Variants in PCDH1 observed in about 807,000 individuals in gnomAD.
The protein encoded by PCDH1 is protocadherin 1, also known as protocadherin-1.
A neutral mutation model predicts 74.6 loss-of-function variants in PCDH1; 23 were observed. The ratio of observed to expected loss-of-function variants is 0.31; its 90% CI spans 0.22 to 0.44. The LOEUF (loss-of-function observed/expected upper bound fraction) is 0.44. Ranked by LOEUF, PCDH1 falls within the 20% of genes least tolerant of loss-of-function variation. The pLI is 1.00. For synonymous variants in PCDH1, 647 were observed against 686.1 expected, an observed-to-expected ratio of 0.94 and a Z score of 0.89; for missense variants, 1,214 against 1,641.4, an observed-to-expected ratio of 0.74 and a Z score of 4.50.
rs537315977 is a variant in PCDH1 at position 141,865,644 on chromosome 5, T to A, written c.904-217A>T. 6.6e-6 allele frequency among the ~76,000 whole-genome samples: 1 copy of A among 152,350 alleles called. No individual in the cohort carries two copies. The highest frequency in any genetic ancestry group is 2.1e-4 in the South Asian group (1 of 4,832). On this transcript the variant is annotated intron_variant, in intron 2 of 4. Coordinates refer to ENST00000287008, the MANE Select transcript of PCDH1 (RefSeq NM_032420.5). The surrounding 1 kb of genome is among the most constrained non-coding windows in gnomAD (Gnocchi z 4.4). Reference sequence around the variant, plus strand: ...AACCTATTTTCCTGAAGAGCCCAGATGCAGCCTGCAAATCCTCAACAGTGC... The same window carrying A: ...AACCTATTTTCCTGAAGAGCCCAGAAGCAGCCTGCAAATCCTCAACAGTGC...
In PCDH1 at chr5:141,853,160, G is replaced by GTA. The variant is rs1225399487; in HGVS notation, c.*881_*882insTA. On this transcript the variant is annotated 3_prime_UTR_variant, in exon 5 of 5. Coordinates refer to ENST00000287008, the MANE Select transcript of PCDH1 (RefSeq NM_032420.5). ...AGCCCAGCTCTGCTGATAGGCAAAT[G>GTA]TTACCCCCGTCCCCACCCCCACCCA... is the stretch of plus-strand genomic sequence containing the variant. 6.6e-6 allele frequency: 1 copy of GTA among 152,178 alleles called. No homozygotes were observed. Among genetic ancestry groups the GTA allele is most frequent in the Non-Finnish European group, 1.5e-5 (1 of 68,068 alleles). 9.4% of individuals were successfully genotyped at this position (152,178 alleles called of 1,614,324 possible).
rs548141067 is a variant in PCDH1 at position 141,873,293 on chromosome 5, A to AT, written c.41-3863dup. ...GGCACGTGCCACCACGCCCGGCTAA[A>AT]TTTTTTTTTTTTTTTTTTTGTATTT... On this transcript the variant is annotated intron_variant, in intron 1 of 4. Coordinates refer to ENST00000287008, the MANE Select transcript of PCDH1 (RefSeq NM_032420.5). Among the ~76,000 whole-genome samples, 773 of 123,484 alleles carry AT rather than the reference A, an allele frequency of 6.3e-3. 2 individuals carry two copies. Among genetic ancestry groups the AT allele is most frequent in the East Asian group, 8.9e-3 (36 of 4,056 alleles). The allele number at this position is 123,484 out of a possible 152,430, so 81.0% of individuals were successfully genotyped here.
chr5:141,860,416 T>C (rs1189605197), intron 3 of PCDH1, among the ~76,000 whole-genome samples: 1 of 151,474 alleles, frequency 6.6e-6, no homozygotes, highest in African/African-American at 2.4e-5. Flanking sequence ...GGAGGATCGC[T>C]TGAGCCCAGG....
chr5:141,853,998 T>C lies in PCDH1; in HGVS notation c.*44A>G, dbSNP rs1001684588. ...GCCCTGGAATGGGCCATTTGGGAGC[T>C]GGCCGGCGGCTGGGGGAGGGGGGCC... is the stretch of plus-strand genomic sequence containing the variant. On this transcript the variant is annotated 3_prime_UTR_variant, in exon 5 of 5. Coordinates refer to ENST00000287008, the MANE Select transcript of PCDH1 (RefSeq NM_032420.5). The C allele has an allele frequency of 6.9e-6, 10 of 1,456,184 alleles. No individual in the cohort carries two copies. The highest frequency in any genetic ancestry group is 2.4e-5 in the East Asian group (1 of 41,860). The allele number at this position is 1,456,184 out of a possible 1,614,324, so 90.2% of individuals were successfully genotyped here. A position where few individuals can be genotyped will look rare whatever the true frequency, so the allele number is the denominator to read the frequency against.
At position 141,864,093 on chromosome 5, in the gene PCDH1, A is replaced by T; in HGVS notation, c.2238T>A (p.Ser746=). 1 of 1,611,368 alleles carries T rather than the reference A, an allele frequency of 6.2e-7. No individual in the cohort carries two copies. The highest frequency in any genetic ancestry group is 8.5e-7 in the Non-Finnish European group (1 of 1,177,710). ...VSQVAAEDFD[S]GVNAELIYSI... ...TGTAGATCAGCTCAGCATTGACACC[A>T]GAGTCAAAGTCCTCGGCTGCCACCT... The change falls in exon 3 of 5, where the codon TCT becomes TCA. Residue 746 remains serine (S), a synonymous_variant. Coordinates refer to ENST00000287008, the MANE Select transcript of PCDH1 (RefSeq NM_032420.5). This position sits in a 1 kb window ranked among gnomAD's most constrained non-coding sequence, Gnocchi z 5.9.
rs767960685 is a variant in PCDH1, at chr5:141,854,132, C to T, written c.3624G>A (p.Leu1208=). 2.5e-6 allele frequency: 4 copies of T among 1,594,436 alleles called. No individual in the cohort carries two copies. The highest frequency in any genetic ancestry group is 2.7e-5 in the African/African-American group (2 of 74,608). The change falls in exon 5 of 5, where the codon TTG becomes TTA. Residue 1208 remains leucine (L), a synonymous_variant. Transcript: ENST00000287008. ...AGGTCTGGGTCAGGGGGATTTCCTCCAAGGTGGCCGAGTCCTTGCAGGAAT... is the reference window on the plus strand; with the variant it reads ...AGGTCTGGGTCAGGGGGATTTCCTCTAAGGTGGCCGAGTCCTTGCAGGAAT... ...SHDSCKDSAT[L]EEIPLTQTSD...
chr5:141,867,507 T>C (rs1490810243), intron 2 of PCDH1: 2 of 436,406 alleles, frequency 4.6e-6, no homozygotes, highest in Non-Finnish European at 9.0e-6. Context: ...ATACACATCA[T>C]GTGTTTAGAA....
Position 141,868,643 on chromosome 5 carries a change from C to T in PCDH1, c.829G>A (p.Ala277Thr), listed in dbSNP as rs201502657. 1.4e-4 allele frequency: 220 copies of T among 1,603,922 alleles called. 1 individual carries two copies. Among genetic ancestry groups the T allele is most frequent in the South Asian group, 5.0e-4 (45 of 89,882 alleles). Residue 277 changes from alanine (A) to threonine (T), a missense_variant, in exon 2 of 5, where the codon GCC becomes ACC. Transcript: ENST00000287008. This position sits in a 1 kb window ranked among gnomAD's most constrained non-coding sequence, Gnocchi z 4.8. ...RVTVLDTNDNAPKFERPSYEA... is the reference protein window; with the variant it reads ...RVTVLDTNDNTPKFERPSYEA... ...TAGGAGGGCCGCTCAAACTTGGGGG[C>T]GTTGTCATTGGTGTCAAGCACGGTG... is the stretch of plus-strand genomic sequence containing the variant.
chr5:141,855,883 G>T (rs1481537890), intron 4 of PCDH1, among the ~76,000 whole-genome samples: 1 of 152,074 alleles, frequency 6.6e-6, no homozygotes, highest in Admixed American at 6.5e-5. Flanking sequence ...CATGGGAACG[G>T]CTGGGCCATG....
rs1442557043 is a variant in PCDH1, at chr5:141,853,273, C to CA, written c.*768dup. 1.6e-5 allele frequency: 2 copies of CA among 126,760 alleles called. No homozygotes were observed. Among genetic ancestry groups the CA allele is most frequent in the African/African-American group, 6.0e-5 (2 of 33,596 alleles). 7.9% of individuals were successfully genotyped at this position (126,760 alleles called of 1,614,324 possible). A position where few individuals can be genotyped will look rare whatever the true frequency, so the allele number is the denominator to read the frequency against. The stretch of plus-strand genomic sequence containing the variant: ...AACAATAGAGGCCTGGGTTGGGGGG[C>CA]ACTGCGGCAGGGAGGAGGGGGCACA... On this transcript the variant is annotated 3_prime_UTR_variant, in exon 5 of 5. Transcript: ENST00000287008.
Position 141,854,294 on chromosome 5 carries a change from G to A in PCDH1, c.3462C>T (p.Thr1154=). ...CTCCTCGGTCCTGGTAAGGCACGAA[G>A]GTGGAGAGTTTGAGGGCGCTGCTCT... ...RTKSSALKLS[T]FVPYQDRGGQ... is the part of the protein sequence containing the mutation. The change falls in exon 5 of 5, where the codon ACC becomes ACT. Residue 1154 remains threonine, a synonymous_variant. Transcript: ENST00000287008. 6.2e-7 allele frequency: 1 copy of A among 1,613,918 alleles called. No homozygotes were observed. Among genetic ancestry groups the A allele is most frequent in the Admixed American group, 1.7e-5 (1 of 60,000 alleles).
In PCDH1 at chr5:141,869,290, A is replaced by G. The variant is rs1753014341; in HGVS notation, c.182T>C (p.Val61Ala). 2 of 1,606,742 alleles carry G rather than the reference A, an allele frequency of 1.2e-6. No individual in the cohort carries two copies. Among genetic ancestry groups the G allele is most frequent in the African/African-American group, 1.3e-5 (1 of 74,888 alleles). The change falls in exon 2 of 5, where the codon GTG becomes GCG. Residue 61 changes from valine to alanine, a missense_variant. This residue lies in a region of PCDH1 where 87 missense variants were observed against 87.7 expected (regional missense o/e 0.99). Transcript: ENST00000287008. This position sits in a 1 kb window ranked among gnomAD's most constrained non-coding sequence, Gnocchi z 4.9. The part of the protein sequence containing the change: ...APSPGHATRV[V>A]YKVPEEQPPN... ...TGGCTGTTCCTCCGGCACCTTGTACACTACCCGAGTGGCGTGGCCTGGGGA... is the reference window on the plus strand; with the variant it reads ...TGGCTGTTCCTCCGGCACCTTGTACGCTACCCGAGTGGCGTGGCCTGGGGA...
In PCDH1 at chr5:141,868,836, C is replaced by T; in HGVS notation, c.636G>A (p.Glu212=). The part of the protein sequence containing the change: ...VASYELQAGP[E]AQELFGLQVA... ...CCTGCAGCCCAAATAGCTCCTGGGCCTCAGGCCCAGCCTGCAGCTCATAGG... is the reference window on the plus strand; with the variant it reads ...CCTGCAGCCCAAATAGCTCCTGGGCTTCAGGCCCAGCCTGCAGCTCATAGG... The change falls in exon 2 of 5, where the codon GAG becomes GAA. Residue 212 remains glutamate (E), a synonymous_variant. Coordinates refer to ENST00000287008, the MANE Select transcript of PCDH1 (RefSeq NM_032420.5). The surrounding 1 kb of genome is among the most constrained non-coding windows in gnomAD (Gnocchi z 4.8). 6.2e-7 allele frequency: 1 copy of T among 1,614,238 alleles called. No homozygotes were observed. The highest frequency in any genetic ancestry group is 8.5e-7 in the Non-Finnish European group (1 of 1,180,044).
intron 2 of PCDH1, chr5:141,867,467 T>C: frequency 2.5e-6 from 1 of 404,554 alleles, no homozygotes; most frequent in South Asian, 1.8e-5. Flanking sequence ...GGATAATACT[T>C]ACCTTGTACT....
chr5:141,859,749 T>C (rs1181986306), intron 3 of PCDH1, among the ~76,000 whole-genome samples: 1 of 152,266 alleles, frequency 6.6e-6, no homozygotes, highest in Admixed American at 6.5e-5. Context: ...GCCACCATCA[T>C]AGTCCAACTC....
chr5:141,856,289 G>T (rs868746195), intron 4 of PCDH1: 6 of 1,535,194 alleles, frequency 3.9e-6, no homozygotes, highest in South Asian at 2.4e-5. Context: ...AGGATGAGAC[G>T]GGCATGAGAT....
rs565768823 is a variant in PCDH1, at chr5:141,865,530, G to T, written c.904-103C>A. The T allele has an allele frequency of 1.3e-4, 161 of 1,282,720 alleles. No homozygotes were observed. Among genetic ancestry groups the T allele is most frequent in the Non-Finnish European group, 1.6e-4 (150 of 922,296 alleles). 79.5% of individuals were successfully genotyped at this position (1,282,720 alleles called of 1,614,324 possible). A position where few individuals can be genotyped will look rare whatever the true frequency, so the allele number is the denominator to read the frequency against. On this transcript the variant is annotated intron_variant, in intron 2 of 4. Coordinates refer to ENST00000287008, the MANE Select transcript of PCDH1 (RefSeq NM_032420.5). The surrounding 1 kb of genome is among the most constrained non-coding windows in gnomAD (Gnocchi z 4.4). ...GCCAATGTCCTTTCCAACAAGCATG[G>T]CAGACACAGCCAATCCAACATCGCT...
chr5:141,854,102 G>T lies in PCDH1; in HGVS notation c.3654C>A (p.Asp1218Glu). 6.4e-7 allele frequency: 1 copy of T among 1,560,152 alleles called. No homozygotes were observed. Among genetic ancestry groups the T allele is most frequent in the Non-Finnish European group, 8.7e-7 (1 of 1,150,120 alleles). ...ATGCCGGTGTGGCTGCGGGTGGGAAGTCCGAGGTCTGGGTCAGGGGGATTT... is the reference window on the plus strand; with the variant it reads ...ATGCCGGTGTGGCTGCGGGTGGGAATTCCGAGGTCTGGGTCAGGGGGATTT... ...LEEIPLTQTSDFPPAATPASA... is the reference protein window; with the variant it reads ...LEEIPLTQTSEFPPAATPASA... Residue 1218 changes from aspartate to glutamate, a missense_variant, in exon 5 of 5, where the codon GAC becomes GAA. Coordinates refer to ENST00000287008, the MANE Select transcript of PCDH1 (RefSeq NM_032420.5).
At chr5:141,867,231 C>T (rs1250038591) in intron 2 of PCDH1, among the ~76,000 whole-genome samples, 1 of 152,238 alleles carries the variant, frequency 6.6e-6, no homozygotes, top group African/African-American at 2.4e-5. Flanking sequence ...CCCTTTCCCA[C>T]AGCCTGTTTT....
Sources: gnomAD v4.1 joint callset for allele counts (sites outside exome capture counted in the v4.1 genomes callset) on GRCh38, gnomAD v4.1.1 for gene constraint, gnomAD v4.1.1 regional missense constraint, Gnocchi (gnomAD v3.1) non-coding constraint, MANE v1.5 for transcripts, NCBI Gene and HGNC (gene_info 2026-07-23, HGNC 2026-07-21) for gene names.